Variants in COG5 observed in about 807,000 individuals in gnomAD.
COG5 encodes the protein conserved oligomeric Golgi complex subunit 5.
In COG5, 86 loss-of-function variants were observed where a neutral mutation model predicts 110.4. That is an observed-to-expected ratio of 0.78 (90% CI 0.65 to 0.93). COG5 has a LOEUF of 0.93. Ranked by LOEUF, COG5 falls within the 40% of genes least tolerant of loss-of-function variation. COG5 has a pLI of 0.00. For missense variants in COG5, 1,077 were observed against 987.0 expected, an observed-to-expected ratio of 1.09 and a Z score of -1.22; for synonymous variants, 360 against 334.6, an observed-to-expected ratio of 1.08 and a Z score of -0.83.
intron 19 of COG5, among the ~76,000 whole-genome samples, chr7:107,226,146 C>T (rs1332841430): frequency 6.6e-6 from 1 of 152,122 alleles, no homozygotes; most frequent in East Asian, 1.9e-4. Context: ...TTTCATTTTA[C>T]CAGATATTAA....
At chr7:107,403,185 A>G (rs1158655279) in intron 7 of COG5, among the ~76,000 whole-genome samples, 1 of 152,220 alleles carries the variant, frequency 6.6e-6, no homozygotes, top group African/African-American at 2.4e-5. Flanking sequence ...ACTTTCTTCT[A>G]ATAAATAGTT....
intron 6 of COG5, among the ~76,000 whole-genome samples, chr7:107,452,458 ACC>A (rs1427210038): frequency 6.6e-6 from 1 of 152,092 alleles, no homozygotes; most frequent in Non-Finnish European, 1.5e-5. Flanking sequence ...CATGAAAGGA[ACC>A]CGGTGGGAGG....
At chr7:107,346,432 T>G (rs866216326) in intron 10 of COG5, among the ~76,000 whole-genome samples, 27 of 152,348 alleles carry the variant, frequency 1.8e-4, no homozygotes, top group Middle Eastern at 3.4e-3. Context: ...TTGTTCAACT[T>G]TGTGTCCCAC....
chr7:107,334,019 T>TCCCAGCACTA (rs1810488427), intron 10 of COG5, among the ~76,000 whole-genome samples: 1 of 152,132 alleles, frequency 6.6e-6, no homozygotes, highest in South Asian at 2.1e-4. Context: ...TAAGAATGCA[T>TCCCAGCACTA]GGTTTACTAG....
chr7:107,347,612 A>C (rs566583616), intron 10 of COG5, among the ~76,000 whole-genome samples: 1 of 152,282 alleles, frequency 6.6e-6, no homozygotes, highest in Admixed American at 6.5e-5. Context: ...AGAAATGATA[A>C]ATGTTTGAGA....
At chr7:107,236,371 G>A (rs187425414) in intron 18 of COG5, 79 bp downstream of exon 18, 47 of 1,060,754 alleles carry the variant, frequency 4.4e-5, no homozygotes, top group African/African-American at 1.1e-4. Context: ...TAAAAACACC[G>A]ATGAAAACAC....
chr7:107,413,019 AGAGATGGGG>A (rs763697915), intron 6 of COG5, among the ~76,000 whole-genome samples: 2 of 151,768 alleles, frequency 1.3e-5, no homozygotes, highest in Non-Finnish European at 2.9e-5. Context: ...TTTTTTTTTA[AGAGATGGGG>A]GAAGTCTCAA....
intron 15 of COG5, 45 bp downstream of exon 15, chr7:107,258,228 G>A (rs2034030947): frequency 8.5e-7 from 1 of 1,177,410 alleles, no homozygotes; most frequent in Admixed American, 1.7e-5. Flanking sequence ...TTTGAGGCAA[G>A]AAGAATTTAA....
chr7:107,284,514 T>C (rs1469988547), intron 12 of COG5, among the ~76,000 whole-genome samples: 3 of 152,212 alleles, frequency 2.0e-5, no homozygotes, highest in Non-Finnish European at 2.9e-5. Context: ...CTTAGGTTTT[T>C]ACATTTTCCA....
At chr7:107,280,965 A>G (rs565578286) in intron 14 of COG5, among the ~76,000 whole-genome samples, 45 of 151,928 alleles carry the variant, frequency 3.0e-4, no homozygotes, top group Non-Finnish European at 5.9e-4. Flanking sequence ...GGAAAACTTG[A>G]TTGATCATGC....
At chr7:107,268,776 G>A (rs989772316) in intron 14 of COG5, among the ~76,000 whole-genome samples, 2 of 152,094 alleles carry the variant, frequency 1.3e-5, no homozygotes, top group African/African-American at 4.8e-5. Flanking sequence ...GGTCTATTCT[G>A]TCTAATGTTA....
At chr7:107,278,741 A>T (rs1444661698) in intron 14 of COG5, among the ~76,000 whole-genome samples, 1 of 152,206 alleles carries the variant, frequency 6.6e-6, no homozygotes, top group African/African-American at 2.4e-5. Context: ...CATATGCAGA[A>T]AACTGAAACT....
intron 6 of COG5, among the ~76,000 whole-genome samples, chr7:107,431,413 T>G (rs1794018894): frequency 6.6e-6 from 1 of 152,206 alleles, no homozygotes; most frequent in Non-Finnish European, 1.5e-5. Flanking sequence ...TGGCAAAGGT[T>G]TTACAACTGG....
chr7:107,330,678 A>C (rs1266390973), intron 10 of COG5, among the ~76,000 whole-genome samples: 3 of 152,220 alleles, frequency 2.0e-5, no homozygotes, highest in African/African-American at 7.2e-5. Flanking sequence ...CCTTGACTTA[A>C]ATCCAAGGTC....
chr7:107,331,302 C>T (rs942949508), intron 10 of COG5, among the ~76,000 whole-genome samples: 1 of 151,952 alleles, frequency 6.6e-6, no homozygotes, highest in African/African-American at 2.4e-5. Context: ...ACCATCTCTA[C>T]TAAAAATACA....
intron 6 of COG5, among the ~76,000 whole-genome samples, chr7:107,481,484 T>C (rs1030769663): frequency 2.0e-5 from 3 of 152,150 alleles, no homozygotes; most frequent in Non-Finnish European, 4.4e-5. Context: ...GTAATAATTA[T>C]ATATTAACAT....
chr7:107,408,630 C>T lies in COG5; in HGVS notation c.669+3872G>A, dbSNP rs150603979. ...TACTTTTCCTACTTCTGTTGTTTTC[C>T]CTGCCAAGCTTGGTCATAGAGTGTT... On this transcript the variant is annotated intron_variant, in intron 7 of 21. Transcript: ENST00000297135. 2.2e-4 allele frequency among the ~76,000 whole-genome samples: 34 copies of T among 152,240 alleles called. No individual in the cohort carries two copies. The East Asian group carries it at 6.0e-3, about 27-fold the overall frequency.
chr7:107,538,619 A>G (rs1048188077), intron 5 of COG5, among the ~76,000 whole-genome samples: 2 of 152,190 alleles, frequency 1.3e-5, no homozygotes, highest in African/African-American at 4.8e-5. Flanking sequence ...AGAAATTAGA[A>G]TCTTCATACA....
At chr7:107,358,628 A>G (rs1812836364) in intron 10 of COG5, among the ~76,000 whole-genome samples, 1 of 152,198 alleles carries the variant, frequency 6.6e-6, no homozygotes, top group African/African-American at 2.4e-5. Flanking sequence ...CTCTGTTAAG[A>G]GTTGTTCACT....
Sources: gnomAD v4.1 joint callset for allele counts (sites outside exome capture counted in the v4.1 genomes callset) on GRCh38, gnomAD v4.1.1 for gene constraint, MANE v1.5 for transcripts, NCBI Gene and HGNC (gene_info 2026-07-23, HGNC 2026-07-21) for gene names.